FAAH2: variants seen among roughly 807,000 people sequenced by gnomAD.
The protein encoded by FAAH2 is fatty-acid amide hydrolase 2.
Under a neutral mutation model 36.9 loss-of-function variants are expected in FAAH2, and 60 were observed. The observed-to-expected ratio is 1.63, with a 90% CI of 1.32 to 2.02. The LOEUF (loss-of-function observed/expected upper bound fraction) is 2.02. Among genes scored for constraint, FAAH2 ranks in the 30% most tolerant of loss-of-function variants. The pLI, the probability that FAAH2 is intolerant of heterozygous loss-of-function variation, is 0.00. For missense variants in FAAH2, 689 were observed against 397.5 expected (o/e 1.73, Z -6.23); for synonymous variants, 214 against 143.8 (o/e 1.49, Z -3.49).
At chrX:57,308,440 G>T (rs1450165292) in intron 2 of FAAH2, among the ~76,000 whole-genome samples, 1 of 111,541 alleles carries the variant, frequency 9.0e-6, no homozygotes, top group East Asian at 2.8e-4. Context: ...CTTTGGAGAA[G>T]TGTCCATTCA....
the FAAH2 span, among the ~76,000 whole-genome samples, chrX:57,237,891 A>C: frequency 8.9e-6 from 1 of 112,069 alleles, no homozygotes; most frequent in Non-Finnish European, 1.9e-5. Context: ...CAATGAGCAT[A>C]TTAAAAAAGC....
chrX:57,321,143 A>AC (rs1276110591), intron 3 of FAAH2, among the ~76,000 whole-genome samples: 1 of 110,138 alleles, frequency 9.1e-6, no homozygotes, highest in Admixed American at 9.7e-5. Flanking sequence ...CCATCTCAAA[A>AC]AAAAAAAGAA....
chrX:57,245,542 G>A, the FAAH2 span, among the ~76,000 whole-genome samples: 13 of 112,224 alleles, frequency 1.2e-4, no homozygotes, highest in Admixed American at 6.6e-4. Context: ...TCAGACAACA[G>A]GGTAATCAAA....
At chrX:57,277,015 A>G in the FAAH2 span, among the ~76,000 whole-genome samples, 3 of 111,979 alleles carry the variant, frequency 2.7e-5, no homozygotes, top group Non-Finnish European at 5.6e-5. Context: ...AGCTGGTACC[A>G]TTCCTTCTGA....
At chrX:57,356,125 T>G (rs1197058475) in intron 5 of FAAH2, among the ~76,000 whole-genome samples, 2 of 110,868 alleles carry the variant, frequency 1.8e-5, no homozygotes, top group African/African-American at 6.5e-5. Flanking sequence ...AGCAATACAT[T>G]TTACATGGCC....
At chrX:57,466,468 T>C (rs1012167642) in intron 10 of FAAH2, among the ~76,000 whole-genome samples, 1 of 21,901 alleles carries the variant, frequency 4.6e-5, no homozygotes, top group Admixed American at 1.0e-3. Flanking sequence ...CAAAAGTATG[T>C]AAAAGAGGAA....
chrX:57,233,001 T>C, the FAAH2 span, among the ~76,000 whole-genome samples: 1 of 112,431 alleles, frequency 8.9e-6, no homozygotes, highest in Non-Finnish European at 1.9e-5. Context: ...TGTGTTATAC[T>C]CCCTGATGCA....
At chrX:57,164,518 C>T in the FAAH2 span, among the ~76,000 whole-genome samples, 1 of 111,497 alleles carries the variant, frequency 9.0e-6, no homozygotes, top group East Asian at 2.8e-4. Context: ...TGGGATGAGA[C>T]CATTTAAAAT....
chrX:57,169,926 A>G, the FAAH2 span, among the ~76,000 whole-genome samples: 1 of 109,809 alleles, frequency 9.1e-6, no homozygotes, highest in Non-Finnish European at 1.9e-5. Context: ...CCAGAATGTC[A>G]TATGAATAGA....
intron 2 of FAAH2, among the ~76,000 whole-genome samples, chrX:57,297,058 A>T (rs995477756): frequency 2.7e-5 from 3 of 110,719 alleles, no homozygotes; most frequent in Non-Finnish European, 3.8e-5. Flanking sequence ...AAATTCCCCA[A>T]TCTAGCAAGG....
At chrX:57,365,596 T>C (rs911784012) in intron 5 of FAAH2, among the ~76,000 whole-genome samples, 6 of 112,116 alleles carry the variant, frequency 5.4e-5, no homozygotes, top group Non-Finnish European at 1.1e-4. Context: ...TATTTGCATG[T>C]CAATCTCTCT....
At chrX:57,393,300 C>T in intron 7 of FAAH2, 2 of 1,006,202 alleles carry the variant, frequency 2.0e-6, no homozygotes, top group African/African-American at 1.8e-5. Flanking sequence ...AGAGGCATTC[C>T]AGCAGTGACC....
In FAAH2 at chrX:57,348,206, G is replaced by A. The variant is rs140823267; in HGVS notation, c.742+6816G>A. Reference sequence around the variant, plus strand: ...TGCACAACCCCATCCACCACTTGAGGCACCTGAGCACTCTTCCTAGGGAAC... The same window carrying A: ...TGCACAACCCCATCCACCACTTGAGACACCTGAGCACTCTTCCTAGGGAAC... On this transcript the variant is annotated intron_variant, in intron 5 of 10. Transcript: ENST00000374900. 6.4e-3 allele frequency among the ~76,000 whole-genome samples: 701 copies of A among 110,100 alleles called. 1 individual carries two copies. The highest frequency in any genetic ancestry group is 0.01 in the Non-Finnish European group (548 of 52,844).
In FAAH2 at chrX:57,447,031, C is replaced by T; in HGVS notation, c.1220C>T (p.Pro407Leu). 8.5e-7 allele frequency: 1 copy of T among 1,174,414 alleles called. No homozygotes were observed. Residue 407 changes from proline to leucine, a missense_variant, in exon 9 of 11, where the codon CCT becomes CTT. Coordinates refer to ENST00000374900, the MANE Select transcript of FAAH2 (RefSeq NM_174912.4). ...CTGGGTCTGTCAGTGTACACCATCCCTTCCATTGGTATGTAAATCATATTC... is the reference window on the plus strand; with the variant it reads ...CTGGGTCTGTCAGTGTACACCATCCTTTCCATTGGTATGTAAATCATATTC... The part of the protein sequence containing the change: ...WCLGLSVYTI[P>L]SIGLALLEEK...
intron 5 of FAAH2, among the ~76,000 whole-genome samples, chrX:57,344,236 C>T (rs753309550): frequency 6.1e-4 from 67 of 110,042 alleles, no homozygotes; most frequent in African/African-American, 1.9e-3. Flanking sequence ...TTCTTCCAAT[C>T]CATGATAATG....
chrX:57,139,082 T>A, the FAAH2 span, among the ~76,000 whole-genome samples: 1 of 112,338 alleles, frequency 8.9e-6, no homozygotes, highest in Non-Finnish European at 1.9e-5. Context: ...ACTTGCCCAT[T>A]TTTCCTTTGC....
chrX:57,201,666 G>A, the FAAH2 span, among the ~76,000 whole-genome samples: 2 of 110,712 alleles, frequency 1.8e-5, no homozygotes, highest in Admixed American at 9.6e-5. Flanking sequence ...TAACCTTCTT[G>A]GATATTGACA....
At chrX:57,399,844 A>G (rs1247915390) in intron 7 of FAAH2, among the ~76,000 whole-genome samples, 1 of 111,846 alleles carries the variant, frequency 8.9e-6, no homozygotes, top group Admixed American at 9.5e-5. Context: ...CTAGCGCCTG[A>G]GTGAGGGCTA....
chrX:57,345,197 C>T (rs919245248), intron 5 of FAAH2, among the ~76,000 whole-genome samples: 2 of 107,166 alleles, frequency 1.9e-5, no homozygotes, highest in African/African-American at 6.8e-5. Context: ...CCCTCCTCTC[C>T]CCTCCCCTTC....
Sources: gnomAD v4.1 joint callset for allele counts (sites outside exome capture counted in the v4.1 genomes callset) on GRCh38, gnomAD v4.1.1 for gene constraint, MANE v1.5 for transcripts, NCBI Gene and HGNC (gene_info 2026-07-23, HGNC 2026-07-21) for gene names.